SKAP1: variants seen among roughly 807,000 people sequenced by gnomAD.
The protein encoded by SKAP1 is src kinase associated phosphoprotein 1, also known as src kinase-associated phosphoprotein 1.
In SKAP1, 44 loss-of-function variants were observed where a neutral mutation model predicts 58.5. That is an observed-to-expected ratio of 0.75 (90% CI 0.59 to 0.97). The LOEUF (loss-of-function observed/expected upper bound fraction) is 0.97. Among genes scored for constraint, SKAP1 ranks in the 50% least tolerant of loss-of-function variants. The pLI, the probability that SKAP1 is intolerant of heterozygous loss-of-function variation, is 0.00. For missense variants in SKAP1, 390 were observed against 435.2 expected (o/e 0.90, Z 0.92); for synonymous variants, 127 against 149.7 (o/e 0.85, Z 1.11).
chr17:48,392,943 T>G (rs2067368439), intron 2 of SKAP1, among the ~76,000 whole-genome samples: 1 of 151,964 alleles, frequency 6.6e-6, no homozygotes, highest in African/African-American at 2.4e-5. Context: ...CTCCACTGAA[T>G]CAAACATTTA....
chr17:48,271,950 A>T (rs969749808), intron 4 of SKAP1, among the ~76,000 whole-genome samples: 17 of 152,180 alleles, frequency 1.1e-4, no homozygotes, highest in African/African-American at 3.9e-4. Flanking sequence ...TTTAAAAAAA[A>T]CATGGAAGGG....
intron 4 of SKAP1, among the ~76,000 whole-genome samples, chr17:48,204,997 CTT>C (rs1567819828): frequency 2.2e-5 from 1 of 44,716 alleles, no homozygotes; most frequent in Admixed American, 2.8e-4. Context: ...TTCTTTCTTT[CTT>C]TCTTTCTTTC....
chr17:48,396,136 G>C (rs935684535), intron 2 of SKAP1, among the ~76,000 whole-genome samples: 2 of 152,114 alleles, frequency 1.3e-5, no homozygotes, highest in African/African-American at 4.8e-5. Context: ...TCTCTCAGAT[G>C]CTCACATTCT....
In SKAP1 at chr17:48,258,364, A is replaced by G. The variant is rs1169957799; in HGVS notation, c.281-68864T>C. On this transcript the variant is annotated intron_variant, in intron 4 of 12. Coordinates refer to ENST00000336915, the MANE Select transcript of SKAP1 (RefSeq NM_003726.4). ...CCTGGTTTCTATATTATGTGAAAAG[A>G]TTGTCCTTATAAGACAAATTATATT... Among the ~76,000 whole-genome samples, 3 of 152,288 alleles carry G rather than the reference A, an allele frequency of 2.0e-5. No individual in the cohort carries two copies. In the East Asian group the frequency reaches 5.8e-4, roughly 29 times the overall value.
Position 48,151,306 on chromosome 17 carries a change from G to A in SKAP1, c.978+11163C>T, listed in dbSNP as rs141282686. Among the ~76,000 whole-genome samples, 852 of 152,244 alleles carry A rather than the reference G, an allele frequency of 5.6e-3. 3 individuals are homozygous for A. Among genetic ancestry groups the A allele is most frequent in the Admixed American group, 9.7e-3 (149 of 15,286 alleles). ...TTTGTGACAACTACATAGCTATAGCGTAAATGAATTCAGAATTAAAGTGTT... is the reference window on the plus strand; with the variant it reads ...TTTGTGACAACTACATAGCTATAGCATAAATGAATTCAGAATTAAAGTGTT... On this transcript the variant is annotated intron_variant, in intron 11 of 12. Coordinates refer to ENST00000336915, the MANE Select transcript of SKAP1 (RefSeq NM_003726.4).
In SKAP1 at chr17:48,418,155, T is replaced by C. The variant is rs1476380953; in HGVS notation, c.46+11920A>G. 4.6e-5 allele frequency among the ~76,000 whole-genome samples: 7 copies of C among 152,140 alleles called. No individual in the cohort carries two copies. The East Asian group carries it at 9.6e-4, about 21-fold the overall frequency. ...AATAAAAATAATTAGCTGGGCATGGTGGCATGCACCTGTTGTCCCAACTAT... is the reference window on the plus strand; with the variant it reads ...AATAAAAATAATTAGCTGGGCATGGCGGCATGCACCTGTTGTCCCAACTAT... On this transcript the variant is annotated intron_variant, in intron 1 of 12. Transcript: ENST00000336915.
intron 4 of SKAP1, among the ~76,000 whole-genome samples, chr17:48,265,841 G>T (rs769348569): frequency 9.2e-5 from 14 of 152,168 alleles, no homozygotes; most frequent in Non-Finnish European, 1.6e-4. Context: ...AGCTGGCCAT[G>T]CTCCAAATGC....
At chr17:48,407,276 A>C (rs1204737269) in intron 1 of SKAP1, among the ~76,000 whole-genome samples, 2 of 152,244 alleles carry the variant, frequency 1.3e-5, no homozygotes, top group Non-Finnish European at 2.9e-5. Context: ...CACCAAACTC[A>C]AGAAGTCAGA....
chr17:48,316,069 C>T (rs1345204470), intron 4 of SKAP1, among the ~76,000 whole-genome samples: 1 of 152,172 alleles, frequency 6.6e-6, no homozygotes, highest in African/African-American at 2.4e-5. Context: ...CTCTTCCACT[C>T]CTATCCCCCT....
intron 4 of SKAP1, among the ~76,000 whole-genome samples, chr17:48,231,266 C>A (rs1473548851): frequency 6.6e-6 from 1 of 151,752 alleles, no homozygotes; most frequent in African/African-American, 2.4e-5. Flanking sequence ...TTAAATTATT[C>A]TATTATGCTT....
chr17:48,292,741 C>T (rs2065913890), intron 4 of SKAP1, among the ~76,000 whole-genome samples: 1 of 152,114 alleles, frequency 6.6e-6, no homozygotes, highest in Non-Finnish European at 1.5e-5. Flanking sequence ...CAGGTCTTGA[C>T]CATTTCATGC....
chr17:48,319,193 A>C (rs1270826079), intron 4 of SKAP1, among the ~76,000 whole-genome samples: 5 of 152,204 alleles, frequency 3.3e-5, no homozygotes, highest in Admixed American at 2.0e-4. Context: ...ACATTGCAGA[A>C]GCACTTCAGC....
chr17:48,379,841 A>G lies in SKAP1; in HGVS notation c.153-16027T>C, dbSNP rs766249556. On this transcript the variant is annotated intron_variant, in intron 2 of 12. Coordinates refer to ENST00000336915, the MANE Select transcript of SKAP1 (RefSeq NM_003726.4). ...GGATTACAGGTGCCCGCCACCATGCACAGCTAATTCTTTTGTATTTTTAGT... is the reference window on the plus strand; with the variant it reads ...GGATTACAGGTGCCCGCCACCATGCGCAGCTAATTCTTTTGTATTTTTAGT... 9.2e-4 allele frequency among the ~76,000 whole-genome samples: 140 copies of G among 151,858 alleles called. 1 individual carries two copies. The highest frequency in any genetic ancestry group is 1.6e-3 in the East Asian group (8 of 5,146).
chr17:48,265,934 C>A (rs1369894387), intron 4 of SKAP1, among the ~76,000 whole-genome samples: 1 of 152,136 alleles, frequency 6.6e-6, no homozygotes, highest in Non-Finnish European at 1.5e-5. Flanking sequence ...AACCTCTTTT[C>A]TTTAGTTTAG....
chr17:48,170,129 C>T (rs1034907287), intron 10 of SKAP1, among the ~76,000 whole-genome samples: 3 of 152,170 alleles, frequency 2.0e-5, no homozygotes. Context: ...TGGAATCAAA[C>T]CAGGCTATCA....
At chr17:48,280,900 G>C (rs1427590698) in intron 4 of SKAP1, among the ~76,000 whole-genome samples, 2 of 152,176 alleles carry the variant, frequency 1.3e-5, no homozygotes. Context: ...CTACTCACCA[G>C]TTGATGGATA....
chr17:48,252,752 GTGTATGTGCTCA>G (rs2065379667), intron 4 of SKAP1, among the ~76,000 whole-genome samples: 1 of 122,924 alleles, frequency 8.1e-6, no homozygotes, highest in Non-Finnish European at 1.9e-5. Context: ...GTGTGTGTGT[GTGTATGTGCTCA>G]TGTGTGTACA....
chr17:48,335,692 A>G (rs1372365003), intron 4 of SKAP1, among the ~76,000 whole-genome samples: 1 of 152,074 alleles, frequency 6.6e-6, no homozygotes, highest in African/African-American at 2.4e-5. Context: ...AACCACATCC[A>G]TTTGTAATTG....
Position 48,205,130 on chromosome 17 carries a change from G to A in SKAP1, c.281-15630C>T, listed in dbSNP as rs1349385488. 9.3e-5 allele frequency among the ~76,000 whole-genome samples: 13 copies of A among 139,072 alleles called. No homozygotes were observed. In the Admixed American group the frequency reaches 9.8e-4, roughly 11 times the overall value. The allele number at this position is 139,072 out of a possible 152,430, so 91.2% of individuals were successfully genotyped here. A position where few individuals can be genotyped will look rare whatever the true frequency, so the allele number is the denominator to read the frequency against. On this transcript the variant is annotated intron_variant, in intron 4 of 12. Transcript: ENST00000336915. ...TCTCTCTGTCTCTTTCTTTTTTTGA[G>A]ATGGGGTCTCACTCTGTTGCCCAGG...
Sources: gnomAD v4.1 joint callset for allele counts (sites outside exome capture counted in the v4.1 genomes callset) on GRCh38, gnomAD v4.1.1 for gene constraint, MANE v1.5 for transcripts, NCBI Gene and HGNC (gene_info 2026-07-23, HGNC 2026-07-21) for gene names.